Variants in CDON observed in about 807,000 individuals in gnomAD.
CDON encodes cell adhesion molecule-related/down-regulated by oncogenes.
Under a neutral mutation model 120.9 loss-of-function variants are expected in CDON, and 73 were observed. That is an observed-to-expected ratio of 0.60 (90% CI 0.50 to 0.73). The LOEUF is 0.73. Among genes scored for constraint, CDON ranks in the 30% least tolerant of loss-of-function variants. The pLI is 0.00. For missense variants in CDON, 1,470 were observed against 1,587.3 expected (o/e 0.93, Z 1.26); for synonymous variants, 566 against 573.5 (o/e 0.99, Z 0.19).
chr11:125,961,543 T>C, intron 19 of CDON, 181 bp downstream of exon 19: 1 of 724,702 alleles, frequency 1.4e-6, no homozygotes, highest in South Asian at 2.0e-5. Context: ...TAACAGAATT[T>C]CAAAGAATCC....
At chr11:125,979,099 TAGTC>T (rs1946221808) in intron 17 of CDON, among the ~76,000 whole-genome samples, 4 of 152,178 alleles carry the variant, frequency 2.6e-5, no homozygotes, top group Admixed American at 2.6e-4. Context: ...ACTAGCCTGA[TAGTC>T]AGAGGCAGAA....
At chr11:126,027,915 A>G (rs1947836349) in intron 1 of CDON, among the ~76,000 whole-genome samples, 1 of 151,412 alleles carries the variant, frequency 6.6e-6, no homozygotes, top group African/African-American at 2.4e-5. Flanking sequence ...TTAAAACAGA[A>G]TTCTGATTTA....
At chr11:125,994,767 A>T in intron 13 of CDON, 104 bp downstream of exon 13, 1 of 1,031,012 alleles carries the variant, frequency 9.7e-7, no homozygotes, top group Non-Finnish European at 1.5e-6. Flanking sequence ...CCCCTCAATT[A>T]AAAGTTCAAA....
At chr11:126,042,921 C>T (rs1948302434) in intron 1 of CDON, among the ~76,000 whole-genome samples, 1 of 152,200 alleles carries the variant, frequency 6.6e-6, no homozygotes, top group Non-Finnish European at 1.5e-5. Flanking sequence ...CCTCGCCTGG[C>T]CGATTTTACA....
chr11:125,981,341 GAAC>G lies in CDON; in HGVS notation c.2996-15_2996-13del. ...TGGTGGGTCATATTCTGTTAAAAGAGAACAAAAAAGACACACACGCACACACAC... is the reference window on the plus strand; with the variant it reads ...TGGTGGGTCATATTCTGTTAAAAGAGAAAAAAGACACACACGCACACACAC... On this transcript the variant is annotated splice_polypyrimidine_tract_variant and intron_variant, in intron 16 of 19. Transcript: ENST00000531738. 1 of 1,609,310 alleles carries G rather than the reference GAAC, an allele frequency of 6.2e-7. No individual in the cohort carries two copies. Among genetic ancestry groups the G allele is most frequent in the Middle Eastern group, 1.6e-4 (1 of 6,062 alleles).
At chr11:125,962,019 G>T (rs1279710041) in intron 18 of CDON, 21 bp from the exon 19 acceptor site, 3 of 1,588,426 alleles carry the variant, frequency 1.9e-6, no homozygotes, top group African/African-American at 1.3e-5. Flanking sequence ...TAAACCAAAA[G>T]AAACAGAATT....
chr11:126,059,124 T>C (rs1389925095), intron 1 of CDON, among the ~76,000 whole-genome samples: 3 of 152,274 alleles, frequency 2.0e-5, no homozygotes, highest in Non-Finnish European at 4.4e-5. Flanking sequence ...AAGTCTGATT[T>C]TGCTCTCAGT....
At chr11:126,045,626 GAATT>G (rs1948388031) in intron 1 of CDON, among the ~76,000 whole-genome samples, 2 of 151,956 alleles carry the variant, frequency 1.3e-5, no homozygotes. Context: ...TTAAAAATAA[GAATT>G]ATTTAATCAA....
rs61446837 is a variant in CDON, at chr11:125,981,970, C to CTTTTTTTTTTTTTTTTTTTTTTTT, written c.2996-665_2996-642dup. Among the ~76,000 whole-genome samples the CTTTTTTTTTTTTTTTTTTTTTTTT allele has an allele frequency of 1.5e-4, 8 of 54,296 alleles. 2 individuals carry two copies. The highest frequency in any genetic ancestry group is 5.6e-4 in the African/African-American group (7 of 12,438). The allele number at this position is 54,296 out of a possible 152,430, so 35.6% of individuals were successfully genotyped here. On this transcript the variant is annotated intron_variant, in intron 16 of 19. Coordinates refer to ENST00000531738, the MANE Select transcript of CDON (RefSeq NM_001378964.1). ...CAAAGGCAAAAAGTGATTCTATTTTCTTTTTTTTTTTTTTTTTTTTTTTTT... is the reference window on the plus strand; with the variant it reads ...CAAAGGCAAAAAGTGATTCTATTTTCTTTTTTTTTTTTTTTTTTTTTTTTTTTTTTTTTTTTTTTTTTTTTTTTT...
chr11:126,056,022 G>A (rs1033223702), intron 1 of CDON, among the ~76,000 whole-genome samples: 3 of 152,138 alleles, frequency 2.0e-5, no homozygotes. Flanking sequence ...TACGTGGTGG[G>A]TATGTAGCCT....
At chr11:126,053,633 T>C (rs1005315160) in intron 1 of CDON, among the ~76,000 whole-genome samples, 1 of 152,026 alleles carries the variant, frequency 6.6e-6, no homozygotes, top group Non-Finnish European at 1.5e-5. Context: ...CATCATTTTA[T>C]GAGCCAGTAT....
intron 18 of CDON, among the ~76,000 whole-genome samples, chr11:125,971,122 G>GTAATC (rs1555114506): frequency 7.9e-5 from 12 of 152,092 alleles, no homozygotes; most frequent in Non-Finnish European, 1.6e-4. Flanking sequence ...GGTGGCTCAC[G>GTAATC]CCTGTAATCC....
chr11:126,026,258 C>CA (rs1412709556), intron 1 of CDON, among the ~76,000 whole-genome samples: 3 of 152,114 alleles, frequency 2.0e-5, no homozygotes, highest in Admixed American at 1.3e-4. Flanking sequence ...TAAAAATCAA[C>CA]AAAAAATACA....
chr11:126,035,213 T>C (rs1197914575), intron 1 of CDON, among the ~76,000 whole-genome samples: 1 of 152,172 alleles, frequency 6.6e-6, no homozygotes, highest in Non-Finnish European at 1.5e-5. Flanking sequence ...AAGTACATTA[T>C]TCAAATATAC....
chr11:126,010,884 G>A (rs1565526400), intron 7 of CDON, 190 bp from the exon 8 acceptor site: 1 of 651,074 alleles, frequency 1.5e-6, no homozygotes, highest in East Asian at 3.0e-5. Flanking sequence ...TCATAGCTGT[G>A]GGCTCCTAAA....
Position 126,041,330 on chromosome 11 carries a change from CATT to C in CDON, c.-61-17796_-61-17794del, listed in dbSNP as rs1293923571. Among the ~76,000 whole-genome samples the C allele has an allele frequency of 5.3e-5, 8 of 151,850 alleles. No individual in the cohort carries two copies. The East Asian group carries it at 1.3e-3, about 26-fold the overall frequency. On this transcript the variant is annotated intron_variant, in intron 1 of 19. Coordinates refer to ENST00000531738, the MANE Select transcript of CDON (RefSeq NM_001378964.1). ...GAAATGACTTGGTGGGCTGCAAAAA[CATT>C]ATGATCTTAAAAGCTCTAAAAGGCA... is the stretch of plus-strand genomic sequence containing the variant.
intron 1 of CDON, among the ~76,000 whole-genome samples, chr11:126,040,083 A>C (rs1360334040): frequency 1.3e-5 from 2 of 152,068 alleles, no homozygotes; most frequent in Non-Finnish European, 2.9e-5. Context: ...GACTCACTAT[A>C]CTCAAATAAA....
intron 7 of CDON, among the ~76,000 whole-genome samples, chr11:126,011,403 C>A (rs1380036829): frequency 6.6e-6 from 1 of 152,200 alleles, no homozygotes; most frequent in Non-Finnish European, 1.5e-5. Flanking sequence ...ACAACTGATA[C>A]CGGATTTCTG....
At chr11:126,016,612 T>G (rs777694761) in intron 6 of CDON, among the ~76,000 whole-genome samples, 8 of 152,016 alleles carry the variant, frequency 5.3e-5, no homozygotes, top group Non-Finnish European at 1.0e-4. Flanking sequence ...TTTGTATTTT[T>G]GGTAGAGATG....
Sources: allele counts gnomAD v4.1 joint callset (sites outside exome capture counted in the v4.1 genomes callset), GRCh38; gene constraint gnomAD v4.1.1; transcripts MANE v1.5; gene names NCBI Gene and HGNC (gene_info 2026-07-23, HGNC 2026-07-21).